Variants in GRIK2 observed in about 807,000 individuals in gnomAD.
GRIK2 encodes the protein glutamate ionotropic receptor kainate type subunit 2.
Under a neutral mutation model 100.3 loss-of-function variants are expected in GRIK2, and 32 were observed. The ratio of observed to expected loss-of-function variants is 0.32; its 90% confidence interval spans 0.24 to 0.43. The LOEUF (loss-of-function observed/expected upper bound fraction) is 0.43. GRIK2 is among the 20% of genes least tolerant of loss of function. The pLI is 1.00. For synonymous variants in GRIK2, 417 were observed against 389.4 expected, an observed-to-expected ratio of 1.07 and a Z score of -0.83; for missense variants, 843 against 1,114.9, an observed-to-expected ratio of 0.76 and a Z score of 3.47.
intron 11 of GRIK2, among the ~76,000 whole-genome samples, chr6:101,888,766 TTTG>T (rs1364291598): frequency 6.6e-6 from 1 of 152,182 alleles, no homozygotes; most frequent in Non-Finnish European, 1.5e-5. Flanking sequence ...CGGTGAACAT[TTTG>T]TTCTTTACTC....
intron 3 of GRIK2, among the ~76,000 whole-genome samples, chr6:101,625,646 C>A (rs118138705): frequency 2.2e-3 from 339 of 152,130 alleles, no homozygotes; most frequent in Non-Finnish European, 3.4e-3. Context: ...AATCTGAATA[C>A]CCTCTAGTTT....
intron 2 of GRIK2, among the ~76,000 whole-genome samples, chr6:101,564,607 T>C (rs1777165563): frequency 6.6e-6 from 1 of 152,102 alleles, no homozygotes; most frequent in Non-Finnish European, 1.5e-5. Context: ...GACCAAACTG[T>C]CATCTCATTT....
At position 101,698,102 on chromosome 6, in the gene GRIK2, A is replaced by G. The variant is rs373814759; in HGVS notation, c.951+11749A>G. Among the ~76,000 whole-genome samples the G allele has an allele frequency of 2.8e-4, 43 of 152,250 alleles. No individual in the cohort carries two copies. In the East Asian group the frequency reaches 5.2e-3, roughly 18 times the overall value. Reference sequence around the variant, plus strand: ...TAAGAGTAGGTAGTTGCTTATTTTAATGCTCTGGGTGAGATTAACTAAATG... The same window carrying G: ...TAAGAGTAGGTAGTTGCTTATTTTAGTGCTCTGGGTGAGATTAACTAAATG... On this transcript the variant is annotated intron_variant, in intron 7 of 16. Transcript: ENST00000369134.
chr6:101,716,774 A>G (rs1053781007), intron 7 of GRIK2, among the ~76,000 whole-genome samples: 5 of 151,784 alleles, frequency 3.3e-5, no homozygotes, highest in Admixed American at 6.6e-5. Context: ...AAACAAAACA[A>G]ATAACAACCA....
chr6:101,920,049 G>C (rs6570998), intron 12 of GRIK2, among the ~76,000 whole-genome samples: 123,548 of 151,760 alleles, frequency 0.81, 50,392 homozygotes, highest in East Asian at 0.94. Flanking sequence ...ATAAAGAACT[G>C]TATTGGGATG....
intron 2 of GRIK2, among the ~76,000 whole-genome samples, chr6:101,498,751 G>T (rs1773588941): frequency 6.6e-6 from 1 of 151,982 alleles, no homozygotes; most frequent in South Asian, 2.1e-4. Context: ...TGAGTTCATT[G>T]TAGATTCTGG....
chr6:101,701,227 T>G (rs528067532), intron 7 of GRIK2, among the ~76,000 whole-genome samples: 1 of 152,224 alleles, frequency 6.6e-6, no homozygotes, highest in Admixed American at 6.5e-5. Context: ...GTCAACCTAT[T>G]TGGCCACCTA....
At chr6:101,729,703 G>C (rs1296774031) in intron 7 of GRIK2, among the ~76,000 whole-genome samples, 8 of 151,802 alleles carry the variant, frequency 5.3e-5, no homozygotes, top group Non-Finnish European at 1.2e-4. Flanking sequence ...GAGAGAGAGA[G>C]AGAGAGAATT....
intron 2 of GRIK2, among the ~76,000 whole-genome samples, chr6:101,536,302 A>C (rs1249867148): frequency 6.6e-6 from 1 of 151,634 alleles, no homozygotes; most frequent in African/African-American, 2.4e-5. Flanking sequence ...CCAGAAAAAA[A>C]GTATGCAATT....
At chr6:102,064,065 C>G in intron 16 of GRIK2, 2 of 1,111,932 alleles carry the variant, frequency 1.8e-6, no homozygotes, top group Non-Finnish European at 2.7e-6. Flanking sequence ...ATCCTTGTGC[C>G]TTTCTTTTTT....
intron 4 of GRIK2, among the ~76,000 whole-genome samples, chr6:101,659,973 A>T (rs1769491653): frequency 6.6e-6 from 1 of 152,064 alleles, no homozygotes; most frequent in African/African-American, 2.4e-5. Context: ...CTCGAAGAGT[A>T]TCTTTGTGGT....
At position 101,586,892 on chromosome 6, in the gene GRIK2, C is replaced by CAAAAAAAAA. The variant is rs1199378638; in HGVS notation, c.116-35044_116-35036dup. Among the ~76,000 whole-genome samples, 38 of 53,946 alleles carry CAAAAAAAAA rather than the reference C, an allele frequency of 7.0e-4. 1 individual carries two copies. Among genetic ancestry groups the CAAAAAAAAA allele is most frequent in the African/African-American group, 1.9e-3 (33 of 17,046 alleles). 35.4% of individuals were successfully genotyped at this position (53,946 alleles called of 152,430 possible). A position where few individuals can be genotyped will look rare whatever the true frequency, so the allele number is the denominator to read the frequency against. On this transcript the variant is annotated intron_variant, in intron 2 of 16. Coordinates refer to ENST00000369134, the MANE Select transcript of GRIK2 (RefSeq NM_021956.5). ...GCAAAAGAGCAAGTCTCTGTCTTAACAAAAAAAAAAAAAAAAAAAAAGAGA... is the reference window on the plus strand; with the variant it reads ...GCAAAAGAGCAAGTCTCTGTCTTAACAAAAAAAAAAAAAAAAAAAAAAAAAAAAAAGAGA...
intron 7 of GRIK2, among the ~76,000 whole-genome samples, chr6:101,694,054 C>T (rs1772302550): frequency 6.6e-6 from 1 of 152,074 alleles, no homozygotes; most frequent in Non-Finnish European, 1.5e-5. Flanking sequence ...AATGCCCTGA[C>T]AAGAGCATGA....
At chr6:101,778,124 A>G (rs769009963) in intron 7 of GRIK2, among the ~76,000 whole-genome samples, 2 of 152,234 alleles carry the variant, frequency 1.3e-5, no homozygotes, top group Non-Finnish European at 2.9e-5. Flanking sequence ...AAAAAGATAG[A>G]CATTGTTCTT....
At chr6:101,602,449 A>C (rs953241409) in intron 2 of GRIK2, among the ~76,000 whole-genome samples, 4 of 151,360 alleles carry the variant, frequency 2.6e-5, no homozygotes, top group Admixed American at 6.6e-5. Flanking sequence ...TTTTTCTAAT[A>C]GTCTAAGATA....
At chr6:101,554,159 A>G (rs1033107246) in intron 2 of GRIK2, among the ~76,000 whole-genome samples, 5 of 152,174 alleles carry the variant, frequency 3.3e-5, no homozygotes, top group Admixed American at 6.5e-5. Context: ...TGAAATTACA[A>G]AGAAGGAGAA....
At chr6:101,788,288 C>T (rs1021530296) in intron 7 of GRIK2, among the ~76,000 whole-genome samples, 1 of 151,668 alleles carries the variant, frequency 6.6e-6, no homozygotes, top group African/African-American at 2.4e-5. Context: ...ATACATGTGC[C>T]ATGCTGGTGT....
chr6:102,041,871 A>AT (rs1170590825), intron 15 of GRIK2, among the ~76,000 whole-genome samples: 3 of 151,634 alleles, frequency 2.0e-5, no homozygotes, highest in Non-Finnish European at 4.4e-5. Flanking sequence ...CTATTTATAC[A>AT]TTTTTAGAAC....
At chr6:101,586,912 A>G (rs76165158) in intron 2 of GRIK2, among the ~76,000 whole-genome samples, 495 of 149,278 alleles carry the variant, frequency 3.3e-3, no homozygotes, top group Non-Finnish European at 5.3e-3. Context: ...AAAAAAAAAA[A>G]AGAGAGATAT....
Sources: allele counts gnomAD v4.1 joint callset (sites outside exome capture counted in the v4.1 genomes callset), GRCh38; gene constraint gnomAD v4.1.1; transcripts MANE v1.5; gene names NCBI Gene and HGNC (gene_info 2026-07-23, HGNC 2026-07-21).